NRAS: variants seen among roughly 807,000 people sequenced by gnomAD.
NRAS encodes the protein NRAS proto-oncogene, GTPase, also known as GTPase NRas.
Under a neutral mutation model 21.3 loss-of-function variants are expected in NRAS, and 6 were observed. That is an observed-to-expected ratio of 0.28 (90% CI 0.15 to 0.56). The LOEUF (loss-of-function observed/expected upper bound fraction) is 0.56. Ranked by LOEUF, NRAS falls within the 20% of genes least tolerant of loss-of-function variation. The pLI, the probability that NRAS is intolerant of heterozygous loss-of-function variation, is 0.93. For missense variants in NRAS, 143 were observed against 231.3 expected (o/e 0.62, Z 2.48); for synonymous variants, 84 against 82.0 (o/e 1.02, Z -0.13).
intron 4 of NRAS, 61 bp downstream of exon 4, chr1:114,709,508 C>G (rs1023220323): frequency 2.1e-5 from 28 of 1,312,070 alleles, no homozygotes; most frequent in Non-Finnish European, 3.1e-5. Flanking sequence ...TGGATCACAT[C>G]TCTACCAGAG....
Position 114,707,105 on chromosome 1 carries a change from T to G in NRAS, c.*989A>C, listed in dbSNP as rs999811300. The G allele has an allele frequency of 6.6e-6, 1 of 152,638 alleles. No individual in the cohort carries two copies. Among genetic ancestry groups the G allele is most frequent in the Non-Finnish European group, 1.5e-5 (1 of 68,030 alleles). 9.5% of individuals were successfully genotyped at this position (152,638 alleles called of 1,614,324 possible). ...ACACAAATTTGAATACAAATGGAAG[T>G]TCATTGAATATTAGGTTTATCAGTA... is the stretch of plus-strand genomic sequence containing the variant. On this transcript the variant is annotated 3_prime_UTR_variant, in exon 7 of 7. Coordinates refer to ENST00000369535, the MANE Select transcript of NRAS (RefSeq NM_002524.5).
intron 3 of NRAS, among the ~76,000 whole-genome samples, chr1:114,712,364 C>G (rs9724633): frequency 6.6e-6 from 1 of 152,136 alleles, no homozygotes; most frequent in Non-Finnish European, 1.5e-5. Context: ...TTTGGTCTCA[C>G]TTAAGCCTAT....
rs562481466 is a variant in NRAS, at chr1:114,705,723, G to A, written c.*2371C>T. 3 of 152,352 alleles carry A rather than the reference G, an allele frequency of 2.0e-5. No individual in the cohort carries two copies. The East Asian group carries it at 5.8e-4, about 29-fold the overall frequency. 9.4% of individuals were successfully genotyped at this position (152,352 alleles called of 1,614,324 possible). The stretch of plus-strand genomic sequence containing the variant: ...TAACCTCCACCTCCTGGGTTGAAGT[G>A]ATTCTCCTGCCTCAGCCTCTCAAGT... On this transcript the variant is annotated 3_prime_UTR_variant, in exon 7 of 7. Coordinates refer to ENST00000369535, the MANE Select transcript of NRAS (RefSeq NM_002524.5).
Position 114,708,655 on chromosome 1 carries a change from C to CTA in NRAS, c.451-3_451-2dup. ...GTGTGTAAAAAGCATCTTCAACACC[C>CTA]TATAAAAGGAAAAAATGAAAAAAAA... On this transcript the variant is annotated splice_acceptor_variant, in intron 4 of 6. Transcript: ENST00000369535. LOFTEE classifies it high-confidence loss of function. The CTA allele has an allele frequency of 6.2e-7, 1 of 1,613,566 alleles. No homozygotes were observed. The highest frequency in any genetic ancestry group is 8.5e-7 in the Non-Finnish European group (1 of 1,179,668).
At chr1:114,714,302 C>T (rs1659110435) in intron 2 of NRAS, among the ~76,000 whole-genome samples, 1 of 152,120 alleles carries the variant, frequency 6.6e-6, no homozygotes. Flanking sequence ...GATTAAGTAC[C>T]CAGTGTATTT....
rs2101741980 is a variant in NRAS, at chr1:114,713,896, C to G, written c.194G>C (p.Ser65Thr). Residue 65 changes from serine to threonine, a missense_variant, in exon 3 of 7, where the codon AGT (serine) becomes ACT (threonine). Physicochemically the swap from Ser to Thr is moderately conservative, Grantham distance 58. Transcript: ENST00000369535. ...CCTCATGTATTGGTCTCTCATGGCA[C>G]TGTACTCTTCTTGTCCAGCTGTATC... is the stretch of plus-strand genomic sequence containing the variant. ...ILDTAGQEEY[S>T]AMRDQYMRTG... is the part of the protein sequence containing the mutation. 6.2e-7 allele frequency: 1 copy of G among 1,612,762 alleles called. No individual in the cohort carries two copies. Among genetic ancestry groups the G allele is most frequent in the Non-Finnish European group, 8.5e-7 (1 of 1,179,088 alleles).
rs1056527149 is a variant in NRAS, at chr1:114,715,930, T to C, written c.111+120A>G. On this transcript the variant is annotated intron_variant, in intron 2 of 6. Coordinates refer to ENST00000369535, the MANE Select transcript of NRAS (RefSeq NM_002524.5). ...ACGTTAAGCTTATTGCATAACTGAATGTATACCCAAAATAACTTTTTACTT... is the reference window on the plus strand; with the variant it reads ...ACGTTAAGCTTATTGCATAACTGAACGTATACCCAAAATAACTTTTTACTT... The C allele has an allele frequency of 4.1e-6, 3 of 734,678 alleles. No individual in the cohort carries two copies. In the African/African-American group the frequency reaches 5.2e-5, roughly 13 times the overall value. The allele number at this position is 734,678 out of a possible 1,614,324, so 45.5% of individuals were successfully genotyped here.
intron 1 of NRAS, 142 bp downstream of exon 1, chr1:114,716,516 T>TC (rs991822312): frequency 1.6e-5 from 6 of 370,646 alleles, no homozygotes; most frequent in African/African-American, 1.3e-4. Context: ...TCCAAAGATC[T>TC]CCCCACGTAG....
Position 114,706,638 on chromosome 1 carries a change from C to A in NRAS, c.*1456G>T, listed in dbSNP as rs1658925643. On this transcript the variant is annotated 3_prime_UTR_variant, in exon 7 of 7. Coordinates refer to ENST00000369535, the MANE Select transcript of NRAS (RefSeq NM_002524.5). ...TAAAAGAAAAAAAAATGTTTAAATA[C>A]GTGATACTGAGTTTTCCAGTCATGG... 1 of 152,130 alleles carries A rather than the reference C, an allele frequency of 6.6e-6. No homozygotes were observed. The highest frequency in any genetic ancestry group is 6.5e-5 in the Admixed American group (1 of 15,274). 9.4% of individuals were successfully genotyped at this position (152,130 alleles called of 1,614,324 possible). A position where few individuals can be genotyped will look rare whatever the true frequency, so the allele number is the denominator to read the frequency against.
At position 114,716,181 on chromosome 1, in the gene NRAS, T is replaced by C. The variant is rs750039795; in HGVS notation, c.-17-4A>G. ...GTCATTTCACACCAGCAAGAACCTGTTGGAAACCAGTAATCAGGGTTAATT... is the reference window on the plus strand; with the variant it reads ...GTCATTTCACACCAGCAAGAACCTGCTGGAAACCAGTAATCAGGGTTAATT... On this transcript the variant is annotated splice_region_variant and splice_polypyrimidine_tract_variant and intron_variant, in intron 1 of 6. Coordinates refer to ENST00000369535, the MANE Select transcript of NRAS (RefSeq NM_002524.5). The C allele has an allele frequency of 1.6e-5, 24 of 1,529,860 alleles. No homozygotes were observed. In the Admixed American group the frequency reaches 2.5e-4, roughly 16 times the overall value. 94.8% of individuals were successfully genotyped at this position (1,529,860 alleles called of 1,614,324 possible). A position where few individuals can be genotyped will look rare whatever the true frequency, so the allele number is the denominator to read the frequency against.
chr1:114,709,060 C>T (rs916057939), intron 4 of NRAS, among the ~76,000 whole-genome samples: 1 of 152,154 alleles, frequency 6.6e-6, no homozygotes, highest in African/African-American at 2.4e-5. Context: ...GATGTTAATG[C>T]AGGAGTAAAC....
At position 114,706,279 on chromosome 1, in the gene NRAS, A is replaced by G. The variant is rs1482964893; in HGVS notation, c.*1815T>C. 6.6e-6 allele frequency: 1 copy of G among 152,228 alleles called. No individual in the cohort carries two copies. The highest frequency in any genetic ancestry group is 2.4e-5 in the African/African-American group (1 of 41,456). 9.4% of individuals were successfully genotyped at this position (152,228 alleles called of 1,614,324 possible). A position where few individuals can be genotyped will look rare whatever the true frequency, so the allele number is the denominator to read the frequency against. On this transcript the variant is annotated 3_prime_UTR_variant, in exon 7 of 7. Coordinates refer to ENST00000369535, the MANE Select transcript of NRAS (RefSeq NM_002524.5). ...ATGGAGGACCTCAGTAAGTATTTAG[A>G]TATTAAAGACAGGAACAAAGTGGCC... is the stretch of plus-strand genomic sequence containing the variant.
rs2101744144 is a variant in NRAS, at chr1:114,716,100, T to C, written c.61A>G (p.Ile21Val). Residue 21 changes from isoleucine to valine, a missense_variant, in exon 2 of 7, where the codon ATC (isoleucine) becomes GTC (valine). Physicochemically the swap from Ile to Val is conservative, Grantham distance 29 (BLOSUM62 3). Transcript: ENST00000369535. ...ACAAAGTGGTTCTGGATTAGCTGGA[T>C]TGTCAGTGCGCTTTTCCCAACACCA... ...AGGVGKSALTIQLIQNHFVDE... is the reference protein window; with the variant it reads ...AGGVGKSALTVQLIQNHFVDE... 1 of 1,614,076 alleles carries C rather than the reference T, an allele frequency of 6.2e-7. No homozygotes were observed. The highest frequency in any genetic ancestry group is 8.5e-7 in the Non-Finnish European group (1 of 1,179,952).
rs752000303 is a variant in NRAS, at chr1:114,709,704, G to A, written c.315C>T (p.Asp105=). 1.9e-5 allele frequency: 31 copies of A among 1,613,394 alleles called. No individual in the cohort carries two copies. The highest frequency in any genetic ancestry group is 4.0e-5 in the African/African-American group (3 of 74,890). ...CTAGCACCATAGGTACATCATCCGAGTCTTTTACTCGCTTAATCTGCTCCC... is the reference window on the plus strand; with the variant it reads ...CTAGCACCATAGGTACATCATCCGAATCTTTTACTCGCTTAATCTGCTCCC... ...LYREQIKRVK[D]SDDVPMVLVG... is the part of the protein sequence containing the mutation. The change falls in exon 4 of 7, where the codon GAC becomes GAT. Residue 105 remains aspartate (D), a synonymous_variant. Transcript: ENST00000369535.
intron 2 of NRAS, 32 bp from the exon 3 acceptor site, chr1:114,714,010 G>T (rs1659102192): frequency 2.5e-6 from 3 of 1,183,398 alleles, no homozygotes; most frequent in Non-Finnish European, 3.7e-6. Context: ...GGGCAGGGAG[G>T]GAGGGAAGTT....
chr1:114,714,423 T>C (rs1220510501), intron 2 of NRAS, among the ~76,000 whole-genome samples: 1 of 152,238 alleles, frequency 6.6e-6, no homozygotes, highest in Non-Finnish European at 1.5e-5. Flanking sequence ...TTTGTGTTTA[T>C]GACTAAATAT....
Position 114,708,010 on chromosome 1 carries a change from ACTT to A in NRAS, c.*81_*83del, listed in dbSNP as rs1658956990. 1 of 166,198 alleles carries A rather than the reference ACTT, an allele frequency of 6.0e-6. No homozygotes were observed. Among genetic ancestry groups the A allele is most frequent in the Admixed American group, 5.8e-5 (1 of 17,244 alleles). 10.3% of individuals were successfully genotyped at this position (166,198 alleles called of 1,614,324 possible). ...TGAGACTGAAGACAGCAACAGGAATACTTCTCCTCCAGGGAAGTCAGGACCAGG... is the reference window on the plus strand; with the variant it reads ...TGAGACTGAAGACAGCAACAGGAATACTCCTCCAGGGAAGTCAGGACCAGG... On this transcript the variant is annotated 3_prime_UTR_variant, in exon 7 of 7. Transcript: ENST00000369535.
At position 114,716,191 on chromosome 1, in the gene NRAS, G is replaced by T; in HGVS notation, c.-17-14C>A. The T allele has an allele frequency of 6.9e-7, 1 of 1,445,728 alleles. No homozygotes were observed. Among genetic ancestry groups the T allele is most frequent in the Non-Finnish European group, 9.7e-7 (1 of 1,026,238 alleles). 89.6% of individuals were successfully genotyped at this position (1,445,728 alleles called of 1,614,324 possible). On this transcript the variant is annotated splice_polypyrimidine_tract_variant and intron_variant, in intron 1 of 6. Transcript: ENST00000369535. ...ACCAGCAAGAACCTGTTGGAAACCAGTAATCAGGGTTAATTGGCGAGCCAC... is the reference window on the plus strand; with the variant it reads ...ACCAGCAAGAACCTGTTGGAAACCATTAATCAGGGTTAATTGGCGAGCCAC...
At chr1:114,716,592 G>A (rs1659177935) in intron 1 of NRAS, 66 bp downstream of exon 1, 2 of 318,996 alleles carry the variant, frequency 6.3e-6, no homozygotes, top group Admixed American at 4.4e-5. Context: ...CTCCATTTCT[G>A]GCATCAGTGA....
Sources: gnomAD v4.1 joint callset for allele counts (sites outside exome capture counted in the v4.1 genomes callset) on GRCh38, gnomAD v4.1.1 for gene constraint, MANE v1.5 for transcripts, NCBI Gene and HGNC (gene_info 2026-07-23, HGNC 2026-07-21) for gene names.